The following DCDC2 variants were observed in gnomAD, a reference collection of about 807,000 sequenced individuals.
DCDC2 encodes doublecortin domain containing 2.
Under a neutral mutation model 50.2 loss-of-function variants are expected in DCDC2, and 40 were observed. That is an observed-to-expected ratio of 0.80 (90% CI 0.62 to 1.04). The LOEUF is 1.04. DCDC2 is among the 50% of genes least tolerant of loss of function. DCDC2 has a pLI of 0.00. For synonymous variants in DCDC2, 234 were observed against 210.6 expected (o/e 1.11, Z -0.96); for missense variants, 570 against 581.9 (o/e 0.98, Z 0.21).
At chr6:24,251,768 C>T in intron 7 of DCDC2, among the ~76,000 whole-genome samples, 1 of 152,314 alleles carries the variant, frequency 6.6e-6, no homozygotes, top group South Asian at 2.1e-4. Context: ...ATTCTGTATG[C>T]ATCTGTTATC....
chr6:24,304,289 C>G (rs1759431490), intron 2 of DCDC2, among the ~76,000 whole-genome samples: 1 of 152,138 alleles, frequency 6.6e-6, no homozygotes, highest in Non-Finnish European at 1.5e-5. Flanking sequence ...TGGAGACCAG[C>G]CTGGCCAACA....
At chr6:24,325,834 C>T (rs1386777813) in intron 2 of DCDC2, among the ~76,000 whole-genome samples, 1 of 149,002 alleles carries the variant, frequency 6.7e-6, no homozygotes, top group Admixed American at 6.7e-5. Context: ...AAATGAGTCA[C>T]ATTTATTTTA....
intron 4 of DCDC2, among the ~76,000 whole-genome samples, chr6:24,297,321 T>A (rs940607282): frequency 6.6e-6 from 1 of 151,544 alleles, no homozygotes; most frequent in African/African-American, 2.4e-5. Context: ...GGGTAGAGGG[T>A]GGGAGGAGAG....
rs543819229 is a variant in DCDC2, at chr6:24,271,207, CAAA to C, written c.922+6839_922+6841del. Among the ~76,000 whole-genome samples the C allele has an allele frequency of 2.0e-4, 8 of 39,404 alleles. No individual in the cohort carries two copies. The Admixed American group carries it at 2.4e-3, about 12-fold the overall frequency. 25.9% of individuals were successfully genotyped at this position (39,404 alleles called of 152,430 possible). ...TGGGTGACAGAGTGAGACACTCCCTCAAAAAAAAAAAAAAAAAAGAGAGAGAGA... is the reference window on the plus strand; with the variant it reads ...TGGGTGACAGAGTGAGACACTCCCTCAAAAAAAAAAAAAAAGAGAGAGAGA... On this transcript the variant is annotated intron_variant, in intron 7 of 9. Transcript: ENST00000378454.
At chr6:24,224,364 G>A (rs1306764587) in intron 7 of DCDC2, among the ~76,000 whole-genome samples, 1 of 152,134 alleles carries the variant, frequency 6.6e-6, no homozygotes, top group Non-Finnish European at 1.5e-5. Flanking sequence ...TATGCAACTG[G>A]GCACACTATG....
intron 4 of DCDC2, among the ~76,000 whole-genome samples, chr6:24,292,153 G>T (rs2113831574): frequency 1.3e-5 from 2 of 152,222 alleles, no homozygotes; most frequent in Middle Eastern, 6.8e-3. Flanking sequence ...TTTACCAGAT[G>T]ATTTTAAATG....
At chr6:24,267,297 G>T (rs1763143107) in intron 7 of DCDC2, among the ~76,000 whole-genome samples, 1 of 152,024 alleles carries the variant, frequency 6.6e-6, no homozygotes, top group Non-Finnish European at 1.5e-5. Flanking sequence ...AACTAAAAGG[G>T]TATAATTGGA....
At chr6:24,376,311 G>T in the DCDC2 span, among the ~76,000 whole-genome samples, 1 of 152,200 alleles carries the variant, frequency 6.6e-6, no homozygotes, top group African/African-American at 2.4e-5. Context: ...GAGGGAGGGG[G>T]AGGTGAGAGT....
intron 7 of DCDC2, among the ~76,000 whole-genome samples, chr6:24,267,929 A>G (rs1763159247): frequency 6.6e-6 from 1 of 152,312 alleles, no homozygotes; most frequent in Middle Eastern, 3.4e-3. Flanking sequence ...AAATTCCCCA[A>G]GCCCTACAAT....
chr6:24,227,827 G>T (rs551423772), intron 7 of DCDC2, among the ~76,000 whole-genome samples: 2 of 152,300 alleles, frequency 1.3e-5, no homozygotes, highest in East Asian at 1.9e-4. Context: ...TAAACAGAAG[G>T]GGGCAGGTCA....
At chr6:24,311,872 T>C (rs1759575468) in intron 2 of DCDC2, among the ~76,000 whole-genome samples, 1 of 152,232 alleles carries the variant, frequency 6.6e-6, no homozygotes, top group Non-Finnish European at 1.5e-5. Flanking sequence ...GTACAATTTA[T>C]GTACAACCTG....
At chr6:24,320,447 T>A (rs575858137) in intron 2 of DCDC2, among the ~76,000 whole-genome samples, 1 of 152,310 alleles carries the variant, frequency 6.6e-6, no homozygotes, top group East Asian at 1.9e-4. Flanking sequence ...TTCTACTGCC[T>A]CAGCTTCCCA....
Position 24,294,128 on chromosome 6 carries a change from G to A in DCDC2, c.558-3050C>T, listed in dbSNP as rs185741373. Among the ~76,000 whole-genome samples the A allele has an allele frequency of 3.8e-4, 58 of 152,222 alleles. 1 individual carries two copies. Among genetic ancestry groups the A allele is most frequent in the East Asian group, 3.7e-3 (19 of 5,164 alleles). ...ATCCCAGCACTTGGGAGGCTGAGCC[G>A]GGCAGATTGTCTGAGCTCAGGAGTT... On this transcript the variant is annotated intron_variant, in intron 4 of 9. Transcript: ENST00000378454.
chr6:24,285,250 A>G (rs1199957424), intron 6 of DCDC2, among the ~76,000 whole-genome samples: 3 of 151,986 alleles, frequency 2.0e-5, no homozygotes, highest in African/African-American at 7.3e-5. Flanking sequence ...CTATCATTTT[A>G]TTTTTCTAAG....
chr6:24,376,430 G>A, the DCDC2 span, among the ~76,000 whole-genome samples: 12 of 152,106 alleles, frequency 7.9e-5, no homozygotes, highest in Admixed American at 2.6e-4. Context: ...ATCCCATAGC[G>A]GTAACAGTGC....
intron 7 of DCDC2, among the ~76,000 whole-genome samples, chr6:24,252,464 A>G (rs997359935): frequency 6.6e-6 from 1 of 152,206 alleles, no homozygotes; most frequent in African/African-American, 2.4e-5. Context: ...AAGCCACAGA[A>G]CAAAAGGGAA....
chr6:24,268,146 A>G (rs938477903), intron 7 of DCDC2, among the ~76,000 whole-genome samples: 54 of 152,262 alleles, frequency 3.5e-4, no homozygotes, highest in African/African-American at 1.1e-3. Flanking sequence ...ACATTTCCCA[A>G]ATTTGTAGTT....
At chr6:24,339,587 C>A (rs562294096) in intron 2 of DCDC2, among the ~76,000 whole-genome samples, 2 of 152,274 alleles carry the variant, frequency 1.3e-5, no homozygotes, top group Admixed American at 1.3e-4. Context: ...ATAGCAGAGA[C>A]CATAGATCAA....
At chr6:24,323,668 C>T (rs777803680) in intron 2 of DCDC2, among the ~76,000 whole-genome samples, 45 of 152,004 alleles carry the variant, frequency 3.0e-4, no homozygotes, top group Non-Finnish European at 4.9e-4. Context: ...CATCTCTCTC[C>T]CTGTCTTCTC....
Sources: allele counts gnomAD v4.1 joint callset (sites outside exome capture counted in the v4.1 genomes callset), GRCh38; gene constraint gnomAD v4.1.1; transcripts MANE v1.5; gene names NCBI Gene and HGNC (gene_info 2026-07-23, HGNC 2026-07-21).